The following DYSF variants were observed in gnomAD, a reference collection of about 807,000 sequenced individuals.
DYSF encodes the protein dysferlin, also known as dystrophy-associated fer-1-like 1.
In DYSF, 212 loss-of-function variants were observed where a neutral mutation model predicts 274.9. The ratio of observed to expected loss-of-function variants is 0.77; its 90% CI spans 0.69 to 0.86. The LOEUF is 0.86. DYSF is among the 40% of genes least tolerant of loss of function. The pLI, the probability that DYSF is intolerant of heterozygous loss-of-function variation, is 0.00. For missense variants in DYSF, 2,666 were observed against 2,783.2 expected (o/e 0.96, Z 0.95); for synonymous variants, 1,091 against 1,078.7 (o/e 1.01, Z -0.22).
At chr2:71,670,326 G>A (rs1455901099) in intron 51 of DYSF, among the ~76,000 whole-genome samples, 1 of 152,228 alleles carries the variant, frequency 6.6e-6, no homozygotes, top group African/African-American at 2.4e-5. Flanking sequence ...GGTAGAGTAG[G>A]GACACCCAGC....
chr2:71,546,327 T>C (rs1251034404), intron 17 of DYSF, among the ~76,000 whole-genome samples: 1 of 152,276 alleles, frequency 6.6e-6, no homozygotes, highest in African/African-American at 2.4e-5. Context: ...AAAGACCAAA[T>C]GAAACTGAAC....
intron 12 of DYSF, among the ~76,000 whole-genome samples, chr2:71,524,937 C>T (rs1016145950): frequency 3.9e-5 from 6 of 152,206 alleles, no homozygotes; most frequent in Non-Finnish European, 7.3e-5. Context: ...AGGTCTTACA[C>T]CCAGAGCAAC....
chr2:71,545,504 G>C (rs1424764467), intron 17 of DYSF, among the ~76,000 whole-genome samples: 2 of 152,200 alleles, frequency 1.3e-5, no homozygotes, highest in Admixed American at 1.3e-4. Flanking sequence ...TTGCTGTTCA[G>C]ATAGTTTCTA....
chr2:71,617,584 G>A (rs1381343435), intron 40 of DYSF, among the ~76,000 whole-genome samples: 1 of 151,900 alleles, frequency 6.6e-6, no homozygotes, highest in Non-Finnish European at 1.5e-5. Context: ...GGTGGTGTGT[G>A]TGTGTGTGGT....
chr2:71,598,037 G>A (rs2093448422), intron 32 of DYSF, among the ~76,000 whole-genome samples: 2 of 152,200 alleles, frequency 1.3e-5, no homozygotes, highest in Admixed American at 6.5e-5. Context: ...CCTCAAGGAA[G>A]CCAGATCCCT....
Position 71,556,130 on chromosome 2 carries a change from G to A in DYSF, c.2216+59G>A, listed in dbSNP as rs116203238. The A allele has an allele frequency of 1.7e-3, 2,418 of 1,397,958 alleles. 27 individuals carry two copies. The African/African-American group carries it at 0.024, about 14-fold the overall frequency. 86.6% of individuals were successfully genotyped at this position (1,397,958 alleles called of 1,614,324 possible). A position where few individuals can be genotyped will look rare whatever the true frequency, so the allele number is the denominator to read the frequency against. On this transcript the variant is annotated intron_variant, in intron 22 of 55. Coordinates refer to ENST00000410020, the MANE Select transcript of DYSF (RefSeq NM_001130987.2). The stretch of plus-strand genomic sequence containing the variant: ...CTCCTGGCTCAACTGGGCCTGTTTC[G>A]CTGGGAGTGCTCGTGTGTGGCAGTG...
chr2:71,606,199 G>A (rs990840582), intron 36 of DYSF, among the ~76,000 whole-genome samples: 75 of 152,304 alleles, frequency 4.9e-4, no homozygotes, highest in African/African-American at 1.8e-3. Context: ...ACTGAAGTGG[G>A]CTTGAGGATG....
At chr2:71,621,238 G>A (rs2094090769) in intron 41 of DYSF, among the ~76,000 whole-genome samples, 1 of 152,120 alleles carries the variant, frequency 6.6e-6, no homozygotes, top group South Asian at 2.1e-4. Flanking sequence ...GGGAGCCCCT[G>A]ACCTGTGGAG....
At chr2:71,682,419 T>C (rs2095307581) in intron 54 of DYSF, 111 bp from the exon 55 acceptor site, 9 of 1,380,990 alleles carry the variant, frequency 6.5e-6, no homozygotes, top group Admixed American at 1.7e-5. Context: ...GGGCAGGCGC[T>C]GGGGGTGGAC....
At chr2:71,646,386 G>C (rs1038285259) in intron 42 of DYSF, among the ~76,000 whole-genome samples, 1 of 152,202 alleles carries the variant, frequency 6.6e-6, no homozygotes, top group Non-Finnish European at 1.5e-5. Context: ...ACCTCTGGAG[G>C]AGGTCTCTGA....
intron 41 of DYSF, among the ~76,000 whole-genome samples, chr2:71,623,539 G>A (rs762394484): frequency 6.6e-6 from 1 of 152,026 alleles, no homozygotes; most frequent in Non-Finnish European, 1.5e-5. Context: ...TTTGACATGT[G>A]CCACACCCTC....
intron 1 of DYSF, among the ~76,000 whole-genome samples, chr2:71,471,690 C>T (rs2082043238): frequency 6.6e-6 from 1 of 152,028 alleles, no homozygotes; most frequent in Admixed American, 6.6e-5. Context: ...AACCAGGGGG[C>T]CGGGTGTGGT....
chr2:71,555,925 C>G (rs746313650), intron 21 of DYSF, 40 bp from the exon 22 acceptor site: 1 of 1,503,250 alleles, frequency 6.7e-7, no homozygotes, highest in East Asian at 2.5e-5. Flanking sequence ...ACCCTCTGCC[C>G]TGTGGTGACA....
In DYSF at chr2:71,643,984, G is replaced by T. The variant is rs755781770; in HGVS notation, c.4547G>T (p.Trp1516Leu). The change falls in exon 42 of 56, where the codon TGG (tryptophan) becomes TTG (leucine). Residue 1516 changes from tryptophan to leucine, a missense_variant. Trp to Leu is a moderately conservative substitution (Grantham distance 61, BLOSUM62 -2). Around this residue, in one of 3 missense-constraint regions of DYSF, gnomAD observed 1,460 missense variants for 1,502.1 expected, o/e 0.97. Transcript: ENST00000410020. Reference sequence around the variant, plus strand: ...ACTCAGGAGGAAGAGTTCATCGATTGGTGGAGCAAATTCTTTGCCTCCATA... The same window carrying T: ...ACTCAGGAGGAAGAGTTCATCGATTTGTGGAGCAAATTCTTTGCCTCCATA... ...SSPHEEEFID[W>L]WSKFFASIGE... 6.2e-7 allele frequency: 1 copy of T among 1,611,426 alleles called. No homozygotes were observed. The highest frequency in any genetic ancestry group is 2.2e-5 in the East Asian group (1 of 44,858).
At chr2:71,559,612 A>G (rs1367494395) in intron 22 of DYSF, among the ~76,000 whole-genome samples, 2 of 151,902 alleles carry the variant, frequency 1.3e-5, no homozygotes, top group African/African-American at 4.8e-5. Flanking sequence ...CCCCACCCCT[A>G]CAGGCTCCCC....
rs1429590215 is a variant in DYSF at position 71,643,989 on chromosome 2, A to G, written c.4552A>G (p.Ser1518Gly). The G allele has an allele frequency of 6.2e-7, 1 of 1,611,992 alleles. No individual in the cohort carries two copies. The highest frequency in any genetic ancestry group is 2.2e-5 in the East Asian group (1 of 44,864). The change falls in exon 42 of 56, where the codon AGC becomes GGC. Residue 1518 changes from serine to glycine, a missense_variant. Around this residue, in one of 3 missense-constraint regions of DYSF, gnomAD observed 1,460 missense variants for 1,502.1 expected, o/e 0.97. Transcript: ENST00000410020. ...GGAGGAAGAGTTCATCGATTGGTGG[A>G]GCAAATTCTTTGCCTCCATAGGGGA... The part of the protein sequence containing the change: ...PHEEEFIDWW[S>G]KFFASIGERE...
At chr2:71,583,148 T>TA (rs2092952548) in intron 30 of DYSF, among the ~76,000 whole-genome samples, 1 of 152,162 alleles carries the variant, frequency 6.6e-6, no homozygotes, top group Non-Finnish European at 1.5e-5. Context: ...GTATATGATT[T>TA]AATTTTTACT....
At chr2:71,682,238 G>A (rs934266633) in intron 54 of DYSF, among the ~76,000 whole-genome samples, 6 of 152,070 alleles carry the variant, frequency 3.9e-5, no homozygotes, top group African/African-American at 1.4e-4. Context: ...ATGGGTGAGG[G>A]CACCAAGGAA....
At chr2:71,637,849 A>T (rs2094429401) in intron 41 of DYSF, among the ~76,000 whole-genome samples, 1 of 152,196 alleles carries the variant, frequency 6.6e-6, no homozygotes. Flanking sequence ...TTGCTGTTAA[A>T]GGTGCAGGCC....
Sources: allele counts gnomAD v4.1 joint callset (sites outside exome capture counted in the v4.1 genomes callset), GRCh38; gene constraint gnomAD v4.1.1; regional missense constraint gnomAD v4.1.1; transcripts MANE v1.5; gene names NCBI Gene and HGNC (gene_info 2026-07-23, HGNC 2026-07-21).